Variants in SYN3 observed in about 807,000 individuals in gnomAD.
SYN3 encodes the protein synapsin III, also known as synapsin-3.
In SYN3, 35 loss-of-function variants were observed where a neutral mutation model predicts 65.8. That is an observed-to-expected ratio of 0.53 (90% CI 0.41 to 0.70). The LOEUF (loss-of-function observed/expected upper bound fraction) is 0.70, where lower values mean the gene tolerates loss of function less well. SYN3 is among the 30% of genes least tolerant of loss of function. SYN3 has a pLI of 0.00. For synonymous variants in SYN3, 270 were observed against 292.9 expected, an observed-to-expected ratio of 0.92 and a Z score of 0.80; for missense variants, 680 against 749.0, an observed-to-expected ratio of 0.91 and a Z score of 1.08.
intron 6 of SYN3, among the ~76,000 whole-genome samples, chr22:32,852,926 T>C (rs1039659303): frequency 6.6e-6 from 1 of 152,162 alleles, no homozygotes; most frequent in African/African-American, 2.4e-5. Flanking sequence ...TTATTGTTTA[T>C]GTAGCGGAGA....
intron 6 of SYN3, among the ~76,000 whole-genome samples, chr22:32,716,600 G>A (rs2061041824): frequency 6.6e-6 from 1 of 151,908 alleles, no homozygotes; most frequent in Non-Finnish European, 1.5e-5. Context: ...GCATGATCTC[G>A]GCTCATTGCA....
At chr22:32,566,899 T>G (rs1214561345) in intron 7 of SYN3, among the ~76,000 whole-genome samples, 2 of 151,724 alleles carry the variant, frequency 1.3e-5, no homozygotes, top group Non-Finnish European at 2.9e-5. Flanking sequence ...GAGGCTATGA[T>G]GGAAATGAGA....
At chr22:32,722,775 C>T (rs2061138150) in intron 6 of SYN3, among the ~76,000 whole-genome samples, 1 of 152,160 alleles carries the variant, frequency 6.6e-6, no homozygotes. Flanking sequence ...AGGAAGGTGG[C>T]TTTGGAGCTG....
At chr22:32,913,817 G>A (rs1414016919) in intron 4 of SYN3, among the ~76,000 whole-genome samples, 2 of 152,212 alleles carry the variant, frequency 1.3e-5, no homozygotes, top group Non-Finnish European at 2.9e-5. Context: ...CTGTGGTGCC[G>A]TTTTGTGGCA....
Position 32,513,764 on chromosome 22 carries a change from T to A in SYN3, c.1671A>T (p.Pro557=), listed in dbSNP as rs181750678. 1.2e-6 allele frequency: 2 copies of A among 1,614,160 alleles called. No homozygotes were observed. Among genetic ancestry groups the A allele is most frequent in the East Asian group, 4.5e-5 (2 of 44,868 alleles). The change falls in exon 14 of 14, where the codon CCA becomes CCT. Residue 557 remains proline (P), a synonymous_variant. Transcript: ENST00000358763. ...TTTCAGCCTTGGCCTCGTCTTCACTTGGGGTCCCACGCTGGGAGGTGTCGG... is the reference window on the plus strand; with the variant it reads ...TTTCAGCCTTGGCCTCGTCTTCACTAGGGGTCCCACGCTGGGAGGTGTCGG... ...STSDTSQRGT[P]SEDEAKAETI... is the part of the protein sequence containing the mutation.
At chr22:32,873,292 T>G (rs2048899352) in intron 4 of SYN3, among the ~76,000 whole-genome samples, 1 of 144,374 alleles carries the variant, frequency 6.9e-6, no homozygotes, top group Non-Finnish European at 1.5e-5. Flanking sequence ...AGTGGGTGAG[T>G]GAGTGAGTGA....
At chr22:32,640,446 G>T (rs1042947050) in intron 6 of SYN3, among the ~76,000 whole-genome samples, 3 of 152,184 alleles carry the variant, frequency 2.0e-5, no homozygotes, top group Non-Finnish European at 2.9e-5. Flanking sequence ...TCCTAGGCCA[G>T]CGGTTTTTAA....
chr22:32,942,401 A>G (rs939544966), intron 3 of SYN3, among the ~76,000 whole-genome samples: 1 of 152,256 alleles, frequency 6.6e-6, no homozygotes, highest in Non-Finnish European at 1.5e-5. Context: ...TGTTAGAAGG[A>G]AAACTAACAA....
intron 6 of SYN3, among the ~76,000 whole-genome samples, chr22:32,663,394 G>A (rs891229990): frequency 6.6e-5 from 10 of 151,320 alleles, no homozygotes; most frequent in Non-Finnish European, 2.9e-5. Context: ...CGCCTCCCGG[G>A]TTCACGCCAT....
chr22:32,957,901 C>T (rs1243914775), intron 3 of SYN3, among the ~76,000 whole-genome samples: 2 of 152,224 alleles, frequency 1.3e-5, no homozygotes, highest in Non-Finnish European at 2.9e-5. Context: ...GGTTCCACCC[C>T]AGCATGACTC....
At chr22:32,739,514 G>A (rs1217353250) in intron 6 of SYN3, among the ~76,000 whole-genome samples, 2 of 152,074 alleles carry the variant, frequency 1.3e-5, no homozygotes, top group Non-Finnish European at 2.9e-5. Flanking sequence ...AGGAAACTGA[G>A]GCTCAGAGCA....
chr22:33,044,992 G>T (rs1282602840), intron 1 of SYN3, among the ~76,000 whole-genome samples: 1 of 151,896 alleles, frequency 6.6e-6, no homozygotes, highest in African/African-American at 2.4e-5. Context: ...ACAGGCATGT[G>T]CCACCACACC....
intron 4 of SYN3, among the ~76,000 whole-genome samples, chr22:32,905,851 C>T (rs1332721358): frequency 1.3e-5 from 2 of 152,230 alleles, no homozygotes; most frequent in African/African-American, 4.8e-5. Flanking sequence ...AGGGTTCGTG[C>T]CCTTTCATTC....
At chr22:32,520,860 G>A (rs540190159) in intron 12 of SYN3, among the ~76,000 whole-genome samples, 5 of 152,268 alleles carry the variant, frequency 3.3e-5, no homozygotes, top group East Asian at 3.9e-4. Context: ...CTGTGTGACC[G>A]TGGGTAAGTC....
chr22:32,993,174 A>G (rs1016613154), intron 2 of SYN3, among the ~76,000 whole-genome samples: 6 of 151,984 alleles, frequency 3.9e-5, no homozygotes, highest in African/African-American at 1.4e-4. Context: ...CAGGGACCCA[A>G]TGGCCCCATC....
At chr22:32,530,550 G>A (rs951209592) in intron 10 of SYN3, among the ~76,000 whole-genome samples, 1 of 151,558 alleles carries the variant, frequency 6.6e-6, no homozygotes, top group Admixed American at 6.6e-5. Flanking sequence ...CTGTGATCTT[G>A]GGCAAGTTTC....
intron 6 of SYN3, among the ~76,000 whole-genome samples, chr22:32,645,451 G>GA (rs131064): frequency 0.41 from 55,728 of 136,474 alleles, 11,957 homozygotes; most frequent in African/African-American, 0.6. Flanking sequence ...AACTCCGTCT[G>GA]AAAAAAAAAA....
chr22:32,710,412 C>G (rs2060944292), intron 6 of SYN3, among the ~76,000 whole-genome samples: 1 of 151,502 alleles, frequency 6.6e-6, no homozygotes, highest in African/African-American at 2.4e-5. Flanking sequence ...GGGTGGATCA[C>G]CTGAGGTCAG....
chr22:32,801,996 G>T lies in SYN3; in HGVS notation c.711+62919C>A. 1 of 1,584,652 alleles carries T rather than the reference G, an allele frequency of 6.3e-7. No individual in the cohort carries two copies. On this transcript the variant is annotated intron_variant, in intron 6 of 13. Coordinates refer to ENST00000358763, the MANE Select transcript of SYN3 (RefSeq NM_003490.4). This position sits in a 1 kb window ranked among gnomAD's most constrained non-coding sequence, Gnocchi z 4.7. ...AGCAGCCCCGGCAGCGGCGGCAGCA[G>T]CGGCAATGACCCCTTGGCTCGGGCT... is the stretch of plus-strand genomic sequence containing the variant.
Sources: gnomAD v4.1 joint callset for allele counts (sites outside exome capture counted in the v4.1 genomes callset) on GRCh38, gnomAD v4.1.1 for gene constraint, Gnocchi (gnomAD v3.1) non-coding constraint, MANE v1.5 for transcripts, NCBI Gene and HGNC (gene_info 2026-07-23, HGNC 2026-07-21) for gene names.